The following LYST variants were observed in gnomAD, a reference collection of about 807,000 sequenced individuals.
LYST encodes lysosomal trafficking regulator.
LYST carries 192 observed loss-of-function variants against 413.6 expected under a neutral mutation model. The observed-to-expected ratio is 0.46, with a 90% confidence interval of 0.41 to 0.52. LYST has a LOEUF of 0.52. LYST is among the 20% of genes least tolerant of loss of function. The pLI, the probability that LYST is intolerant of heterozygous loss-of-function variation, is 0.00. For missense variants in LYST, 3,815 were observed against 4,499.9 expected, an observed-to-expected ratio of 0.85 and a Z score of 4.35; for synonymous variants, 1,525 against 1,567.3, an observed-to-expected ratio of 0.97 and a Z score of 0.64.
Position 235,793,566 on chromosome 1 carries a change from T to C in LYST, c.4053A>G (p.Ser1351=), listed in dbSNP as rs752123968. The C allele has an allele frequency of 1.1e-5, 18 of 1,604,626 alleles. No homozygotes were observed. Among genetic ancestry groups the C allele is most frequent in the Admixed American group, 8.4e-5 (5 of 59,752 alleles). Residue 1351 remains serine (S), a synonymous_variant, in exon 11 of 53, where the codon TCA becomes TCG. Transcript: ENST00000389793. The stretch of plus-strand genomic sequence containing the variant: ...GGGTTAGCTCTTCTGAACATGTTCT[T>C]GAACTCATCAAAGATACCAAAAGAT... ...LVDLLVSLMS[S]RTCSEELTLL...
intron 3 of LYST, among the ~76,000 whole-genome samples, chr1:235,817,386 G>T (rs1674273378): frequency 6.6e-6 from 1 of 152,064 alleles, no homozygotes. Flanking sequence ...TATACCCAAA[G>T]GAATATAAAC....
chr1:235,802,591 A>G (rs1672365045), intron 8 of LYST, among the ~76,000 whole-genome samples: 1 of 152,042 alleles, frequency 6.6e-6, no homozygotes, highest in South Asian at 2.1e-4. Context: ...ATACGACATC[A>G]CCCAGTTTAT....
intron 43 of LYST, among the ~76,000 whole-genome samples, chr1:235,710,957 C>G (rs752516345): frequency 1.3e-5 from 2 of 152,282 alleles, no homozygotes; most frequent in South Asian, 2.1e-4. Context: ...CTCCAGCTGC[C>G]TAAGGCTTCA....
chr1:235,782,170 A>G (rs1669934115), intron 14 of LYST, 83 bp from the exon 15 acceptor site: 1 of 1,187,688 alleles, frequency 8.4e-7, no homozygotes, highest in Admixed American at 2.2e-5. Context: ...ATATTTAACA[A>G]TGGGGAATTC....
chr1:235,729,820 TTTAGCATTCTATTAG>T lies in LYST; in HGVS notation c.9045-178_9045-164del, dbSNP rs540546112. 1.6e-4 allele frequency among the ~76,000 whole-genome samples: 25 copies of T among 152,268 alleles called. No individual in the cohort carries two copies. The East Asian group carries it at 4.8e-3, about 29-fold the overall frequency. On this transcript the variant is annotated intron_variant, in intron 36 of 52. Coordinates refer to ENST00000389793, the MANE Select transcript of LYST (RefSeq NM_000081.4). ...ACCCACATGAAAATATTAGCTCCTT[TTTAGCATTCTATTAG>T]AAGAGAAATGACTGAAACGCCTAGA... is the stretch of plus-strand genomic sequence containing the variant.
chr1:235,785,294 A>G (rs1345958007), intron 14 of LYST, among the ~76,000 whole-genome samples: 1 of 152,086 alleles, frequency 6.6e-6, no homozygotes, highest in African/African-American at 2.4e-5. Flanking sequence ...GCCTCACAGT[A>G]TTTTTCATCA....
rs1451315699 is a variant in LYST, at chr1:235,813,001, T to C, written c.253A>G (p.Lys85Glu). 3.7e-6 allele frequency: 6 copies of C among 1,611,550 alleles called. No individual in the cohort carries two copies. The highest frequency in any genetic ancestry group is 5.1e-6 in the Non-Finnish European group (6 of 1,177,996). The change falls in exon 4 of 53, where the codon AAG (lysine) becomes GAG (glutamate). Residue 85 changes from lysine (K) to glutamate (E), a missense_variant. Coordinates refer to ENST00000389793, the MANE Select transcript of LYST (RefSeq NM_000081.4). ...LLLSLLPLVW[K>E]IPVQEEKATD... ...GCCTTTTCTTCTTGGACAGGTATCT[T>C]CCATACCAGTGGAAGGAGAGACAGA... is the stretch of plus-strand genomic sequence containing the variant.
At chr1:235,718,306 AC>A (rs1429940083) in intron 40 of LYST, among the ~76,000 whole-genome samples, 1 of 151,998 alleles carries the variant, frequency 6.6e-6, no homozygotes, top group African/African-American at 2.4e-5. Context: ...CCTAGGCCAC[AC>A]ATGTTGGTCT....
intron 46 of LYST, among the ~76,000 whole-genome samples, chr1:235,696,562 T>A (rs754456959): frequency 6.6e-6 from 1 of 152,226 alleles, no homozygotes; most frequent in African/African-American, 2.4e-5. Flanking sequence ...CAGTGTCTAG[T>A]TGACATTTAG....
intron 1 of LYST, among the ~76,000 whole-genome samples, chr1:235,876,371 T>A (rs899069654): frequency 5.9e-5 from 9 of 152,212 alleles, no homozygotes; most frequent in South Asian, 2.1e-4. Flanking sequence ...TTAAAAAAAA[T>A]GGTTTGTCTT....
At chr1:235,865,339 C>T (rs557608360) in intron 1 of LYST, among the ~76,000 whole-genome samples, 2 of 135,434 alleles carry the variant, frequency 1.5e-5, no homozygotes, top group South Asian at 4.2e-4. Context: ...CTCCCTCTTC[C>T]GTGCTTTTTC....
At chr1:235,672,924 C>T (rs1344574388) in intron 50 of LYST, among the ~76,000 whole-genome samples, 2 of 152,176 alleles carry the variant, frequency 1.3e-5, no homozygotes, top group Non-Finnish European at 1.5e-5. Flanking sequence ...TACTCACTCC[C>T]TCAAGACTCA....
chr1:235,713,890 CATAAT>C (rs1662612985), intron 42 of LYST, among the ~76,000 whole-genome samples: 2 of 152,012 alleles, frequency 1.3e-5, no homozygotes, highest in African/African-American at 4.8e-5. Context: ...ATGAAGAAAA[CATAAT>C]ATATGAATAC....
In LYST at chr1:235,805,701, T is replaced by C. The variant is rs200927646; in HGVS notation, c.3393+42A>G. On this transcript the variant is annotated intron_variant, in intron 6 of 52. Coordinates refer to ENST00000389793, the MANE Select transcript of LYST (RefSeq NM_000081.4). ...ATATATGTGTGTGTGTATATATATG[T>C]ATATATATTACATAAGAGTTGGACT... is the stretch of plus-strand genomic sequence containing the variant. 3.2e-5 allele frequency: 37 copies of C among 1,147,584 alleles called. No individual in the cohort carries two copies. In the East Asian group the frequency reaches 7.8e-4, roughly 24 times the overall value. 71.1% of individuals were successfully genotyped at this position (1,147,584 alleles called of 1,614,324 possible).
chr1:235,757,363 A>C lies in LYST; in HGVS notation c.6977T>G (p.Val2326Gly). Residue 2326 changes from valine to glycine, a missense_variant, in exon 24 of 53, where the codon GTG becomes GGG. This residue lies in a region of LYST where 771 missense variants were observed against 837.1 expected (regional missense o/e 0.92). Transcript: ENST00000389793. ...LILPDVLLEDVMDKLIQADTL... is the reference protein window; with the variant it reads ...LILPDVLLEDGMDKLIQADTL... ...ATCTGCTTGAATAAGCTTGTCCATC[A>C]CATCTTCAAGCAAAACATCAGGCAG... The C allele has an allele frequency of 1.2e-6, 2 of 1,613,260 alleles. No individual in the cohort carries two copies. Among genetic ancestry groups the C allele is most frequent in the Non-Finnish European group, 1.7e-6 (2 of 1,179,372 alleles).
In LYST at chr1:235,741,429, G is replaced by C. The variant is rs565272770; in HGVS notation, c.8351C>G (p.Ser2784Cys). The change falls in exon 31 of 53, where the codon TCC (serine) becomes TGC (cysteine). Residue 2784 changes from serine to cysteine, a missense_variant. Physicochemically the swap from Ser to Cys is moderately radical, Grantham distance 112. Transcript: ENST00000389793. ...CAAAGCTGAGATACTTACTTGTAGG[G>C]ATGGGCTGAGACAGTCTCGTAGTAT... ...QEILRDCLSP[S>C]LQHGAKLVLY... 2.5e-6 allele frequency: 4 copies of C among 1,612,608 alleles called. No individual in the cohort carries two copies. In the East Asian group the frequency reaches 6.7e-5, roughly 27 times the overall value.
intron 3 of LYST, among the ~76,000 whole-genome samples, chr1:235,819,108 G>T (rs1303210126): frequency 6.6e-6 from 1 of 152,126 alleles, no homozygotes; most frequent in Non-Finnish European, 1.5e-5. Flanking sequence ...TTGGGTTTTG[G>T]CCCCTCTGCT....
At chr1:235,739,573 A>G (rs1349096037) in intron 31 of LYST, among the ~76,000 whole-genome samples, 1 of 151,848 alleles carries the variant, frequency 6.6e-6, no homozygotes, top group Non-Finnish European at 1.5e-5. Context: ...TCCAAGTGTC[A>G]TACTAACTAA....
At chr1:235,730,796 T>G (rs767614294) in intron 36 of LYST, 51 bp downstream of exon 36, 21 of 1,072,852 alleles carry the variant, frequency 2.0e-5, no homozygotes, top group Non-Finnish European at 2.9e-5. Flanking sequence ...AACACTACAA[T>G]AAGCTGTTGT....
Sources: allele counts gnomAD v4.1 joint callset (sites outside exome capture counted in the v4.1 genomes callset), GRCh38; gene constraint gnomAD v4.1.1; regional missense constraint gnomAD v4.1.1; transcripts MANE v1.5; gene names NCBI Gene and HGNC (gene_info 2026-07-23, HGNC 2026-07-21).